ZDHHC14: variants seen among roughly 807,000 people sequenced by gnomAD.
The protein encoded by ZDHHC14 is zDHHC palmitoyltransferase 14.
In ZDHHC14, 16 loss-of-function variants were observed where a neutral mutation model predicts 47.7. The observed-to-expected ratio is 0.34, with a 90% CI of 0.23 to 0.51. ZDHHC14 has a LOEUF of 0.51. Ranked by LOEUF, ZDHHC14 falls within the 20% of genes least tolerant of loss-of-function variation. ZDHHC14 has a pLI of 0.97. For synonymous variants in ZDHHC14, 293 were observed against 278.9 expected (o/e 1.05, Z -0.50); for missense variants, 515 against 662.5 (o/e 0.78, Z 2.44).
chr6:157,672,905 A>C lies in ZDHHC14; in HGVS notation c.1250A>C (p.Asn417Thr), dbSNP rs764056998. The C allele has an allele frequency of 5.6e-6, 9 of 1,605,216 alleles. No homozygotes were observed. The highest frequency in any genetic ancestry group is 4.2e-6 in the Non-Finnish European group (5 of 1,177,418). Residue 417 changes from asparagine (N) to threonine (T), a missense_variant, in exon 9 of 9, where the codon AAC becomes ACC. By Grantham distance (65) the Asn-to-Thr change is moderately conservative. Coordinates refer to ENST00000359775, the MANE Select transcript of ZDHHC14 (RefSeq NM_024630.3). ...GPPTPPASMP[N>T]LAEATLADVM... is the part of the protein sequence containing the mutation. ...CCCACACCGCCCGCCTCCATGCCCAACCTCGCCGAGGCCACGCTCGCGGAC... is the reference window on the plus strand; with the variant it reads ...CCCACACCGCCCGCCTCCATGCCCACCCTCGCCGAGGCCACGCTCGCGGAC...
rs977660905 is a variant in ZDHHC14, at chr6:157,492,429, G to C, written c.246-50156G>C. Among the ~76,000 whole-genome samples the C allele has an allele frequency of 1.4e-4, 22 of 151,772 alleles. 1 individual carries two copies. Among genetic ancestry groups the C allele is most frequent in the Admixed American group, 3.3e-4 (5 of 15,264 alleles). ...CCGGAAATCAGGAAAGTGGGAAACC[G>C]GCAAAGCGGGAAAGCGGGAAAGCGG... On this transcript the variant is annotated intron_variant, in intron 1 of 8. Coordinates refer to ENST00000359775, the MANE Select transcript of ZDHHC14 (RefSeq NM_024630.3).
At chr6:157,627,195 C>T (rs1169777011) in intron 3 of ZDHHC14, among the ~76,000 whole-genome samples, 1 of 152,192 alleles carries the variant, frequency 6.6e-6, no homozygotes, top group Non-Finnish European at 1.5e-5. Context: ...ATTTATGATA[C>T]ATGACCAGAA....
chr6:157,541,672 T>C (rs918775799), intron 1 of ZDHHC14, among the ~76,000 whole-genome samples: 3 of 152,218 alleles, frequency 2.0e-5, no homozygotes, highest in Non-Finnish European at 2.9e-5. Flanking sequence ...TCACTGCAGA[T>C]CCCATCCTTC....
At chr6:157,411,752 T>TAAAAAA (rs10719123) in intron 1 of ZDHHC14, among the ~76,000 whole-genome samples, 6 of 139,494 alleles carry the variant, frequency 4.3e-5, no homozygotes, top group African/African-American at 1.3e-4. Flanking sequence ...ATGTTCATGG[T>TAAAAAA]AAAAAAAAAA....
At chr6:157,447,962 C>T (rs1391396291) in intron 1 of ZDHHC14, among the ~76,000 whole-genome samples, 1 of 152,076 alleles carries the variant, frequency 6.6e-6, no homozygotes, top group Non-Finnish European at 1.5e-5. Flanking sequence ...GCCTCAAACT[C>T]CTAGGCTCAA....
chr6:157,423,499 A>G (rs548969667), intron 1 of ZDHHC14, among the ~76,000 whole-genome samples: 6 of 152,336 alleles, frequency 3.9e-5, no homozygotes, highest in Admixed American at 2.6e-4. Context: ...TTTCATAAAT[A>G]AAGTTCCCCT....
chr6:157,592,808 G>T (rs1031016099), intron 2 of ZDHHC14, 180 bp from the exon 3 acceptor site: 1 of 1,417,520 alleles, frequency 7.1e-7, no homozygotes, highest in Non-Finnish European at 9.2e-7. Flanking sequence ...TGCAACGAAG[G>T]AGGCCGGGGT....
intron 1 of ZDHHC14, among the ~76,000 whole-genome samples, chr6:157,439,209 T>C (rs934967451): frequency 2.0e-5 from 3 of 152,186 alleles, no homozygotes; most frequent in Admixed American, 6.5e-5. Context: ...TTTAAGAAAA[T>C]GGCAACTACA....
intron 2 of ZDHHC14, among the ~76,000 whole-genome samples, chr6:157,571,346 G>T (rs528441719): frequency 6.6e-6 from 1 of 152,148 alleles, no homozygotes; most frequent in Non-Finnish European, 1.5e-5. Flanking sequence ...CCCAGGCAAG[G>T]GACAGACATG....
At position 157,539,650 on chromosome 6, in the gene ZDHHC14, T is replaced by A. The variant is rs1162453807; in HGVS notation, c.246-2935T>A. 2.0e-5 allele frequency among the ~76,000 whole-genome samples: 3 copies of A among 152,150 alleles called. No individual in the cohort carries two copies. In the South Asian group the frequency reaches 6.2e-4, roughly 32 times the overall value. On this transcript the variant is annotated intron_variant, in intron 1 of 8. Transcript: ENST00000359775. ...AAGCACTCACCAATGCGAGTCTAGG[T>A]AGAGCCGGTTTAACCATCTCCTAGA...
intron 3 of ZDHHC14, among the ~76,000 whole-genome samples, chr6:157,608,344 G>A (rs1325683829): frequency 6.6e-6 from 1 of 150,522 alleles, no homozygotes; most frequent in East Asian, 2.0e-4. Flanking sequence ...CCTGCAAAGA[G>A]CTTAGAGATA....
chr6:157,672,497 G>A (rs1778841336), intron 8 of ZDHHC14, among the ~76,000 whole-genome samples: 1 of 152,098 alleles, frequency 6.6e-6, no homozygotes, highest in Non-Finnish European at 1.5e-5. Context: ...GGCACCCGTG[G>A]TGACTTCATT....
At chr6:157,510,171 A>G (rs1478322048) in intron 1 of ZDHHC14, among the ~76,000 whole-genome samples, 1 of 152,136 alleles carries the variant, frequency 6.6e-6, no homozygotes, top group Non-Finnish European at 1.5e-5. Context: ...TTGAACCCGG[A>G]GGCTGGAAGT....
At chr6:157,490,653 T>G (rs1583701556) in intron 1 of ZDHHC14, among the ~76,000 whole-genome samples, 1 of 152,326 alleles carries the variant, frequency 6.6e-6, no homozygotes, top group East Asian at 1.9e-4. Context: ...TTGGAGAAGT[T>G]GAGTCTTGAC....
chr6:157,515,019 G>A (rs577238918), intron 1 of ZDHHC14, among the ~76,000 whole-genome samples: 2 of 152,212 alleles, frequency 1.3e-5, no homozygotes, highest in Admixed American at 1.3e-4. Context: ...TATGTATTTA[G>A]TGAGAACATT....
At chr6:157,412,020 C>G (rs1209244652) in intron 1 of ZDHHC14, among the ~76,000 whole-genome samples, 1 of 150,694 alleles carries the variant, frequency 6.6e-6, no homozygotes. Context: ...CTCATGGCAA[C>G]CTCCACCTCC....
intron 2 of ZDHHC14, among the ~76,000 whole-genome samples, chr6:157,566,421 A>G (rs928919369): frequency 1.3e-5 from 2 of 152,204 alleles, no homozygotes; most frequent in Admixed American, 1.3e-4. Flanking sequence ...GGCCAAGGAA[A>G]AGGACAGAAC....
At chr6:157,473,383 G>GATCCC (rs1236040427) in intron 1 of ZDHHC14, among the ~76,000 whole-genome samples, 1 of 152,158 alleles carries the variant, frequency 6.6e-6, no homozygotes, top group Non-Finnish European at 1.5e-5. Flanking sequence ...CACTTTTTAA[G>GATCCC]ATCCCACATA....
At chr6:157,501,073 A>G (rs1168013770) in intron 1 of ZDHHC14, among the ~76,000 whole-genome samples, 2 of 152,232 alleles carry the variant, frequency 1.3e-5, no homozygotes, top group East Asian at 1.9e-4. Context: ...AGCACAGTTA[A>G]TGGTGAAAAA....
Sources: gnomAD v4.1 joint callset for allele counts (sites outside exome capture counted in the v4.1 genomes callset) on GRCh38, gnomAD v4.1.1 for gene constraint, MANE v1.5 for transcripts, NCBI Gene and HGNC (gene_info 2026-07-23, HGNC 2026-07-21) for gene names.